GAREM1: variants seen among roughly 807,000 people sequenced by gnomAD.
GAREM1 encodes GRB2 associated regulator of MAPK1 subtype 1, also known as GRB2-associated and regulator of MAPK protein 1.
GAREM1 carries 26 observed loss-of-function variants against 71.3 expected under a neutral mutation model. The ratio of observed to expected loss-of-function variants is 0.36; its 90% CI spans 0.27 to 0.51. GAREM1 has a LOEUF of 0.51. GAREM1 is among the 20% of genes least tolerant of loss of function. The pLI is 0.95. For synonymous variants in GAREM1, 440 were observed against 433.2 expected (o/e 1.02, Z -0.20); for missense variants, 1,026 against 1,103.1 (o/e 0.93, Z 0.99).
rs1555648700 is a variant in GAREM1 at position 32,457,224 on chromosome 18, A to ATGTGTGT, written c.121+13083_121+13084insACACACA. 5.0e-3 allele frequency among the ~76,000 whole-genome samples: 539 copies of ATGTGTGT among 107,394 alleles called. 4 individuals are homozygous for ATGTGTGT. The highest frequency in any genetic ancestry group is 0.013 in the Middle Eastern group (2 of 152). The allele number at this position is 107,394 out of a possible 152,430, so 70.5% of individuals were successfully genotyped here. On this transcript the variant is annotated intron_variant, in intron 1 of 5. Coordinates refer to ENST00000269209, the MANE Select transcript of GAREM1 (RefSeq NM_001242409.2). ...TAGGGGGGGAGAGAGAGAGAGAGAG[A>ATGTGTGT]GAGTGTGTGTGTGTGTGTGTGTGTG... is the stretch of plus-strand genomic sequence containing the variant.
At chr18:32,433,571 A>AT (rs1022150267) in intron 1 of GAREM1, among the ~76,000 whole-genome samples, 14 of 152,054 alleles carry the variant, frequency 9.2e-5, no homozygotes, top group Non-Finnish European at 1.6e-4. Flanking sequence ...TTTAAAATCT[A>AT]TTTTTTAAGT....
At chr18:32,334,652 C>A (rs1424381380) in intron 2 of GAREM1, among the ~76,000 whole-genome samples, 1 of 152,226 alleles carries the variant, frequency 6.6e-6, no homozygotes, top group Non-Finnish European at 1.5e-5. Context: ...ACGGCATAAC[C>A]TATTCCCTGT....
chr18:32,451,131 A>ACAGAGTGAGAGCTTGT (rs1295438032), intron 1 of GAREM1, among the ~76,000 whole-genome samples: 6 of 152,124 alleles, frequency 3.9e-5, no homozygotes, highest in African/African-American at 1.4e-4. Flanking sequence ...GAGCTGGATG[A>ACAGAGTGAGAGCTTGT]CAGAGTGAGA....
chr18:32,445,229 A>G (rs1003184242), intron 1 of GAREM1, among the ~76,000 whole-genome samples: 4 of 152,146 alleles, frequency 2.6e-5, no homozygotes, highest in African/African-American at 9.6e-5. Flanking sequence ...ATATAAACTA[A>G]TGAATGCAGG....
At chr18:32,458,178 C>T (rs959867097) in intron 1 of GAREM1, among the ~76,000 whole-genome samples, 8 of 151,954 alleles carry the variant, frequency 5.3e-5, no homozygotes, top group South Asian at 2.1e-4. Context: ...TTTTTACAAA[C>T]GTGTCCATTT....
intron 2 of GAREM1, among the ~76,000 whole-genome samples, chr18:32,325,931 T>C (rs747160051): frequency 1.3e-5 from 2 of 152,204 alleles, no homozygotes; most frequent in Non-Finnish European, 2.9e-5. Flanking sequence ...TGAGCATGTA[T>C]GTCAGAGAGA....
intron 2 of GAREM1, among the ~76,000 whole-genome samples, chr18:32,377,952 G>A (rs1028659759): frequency 6.6e-6 from 1 of 151,820 alleles, no homozygotes; most frequent in Non-Finnish European, 1.5e-5. Context: ...TTCACTTACT[G>A]GATGAGGAAA....
chr18:32,288,224 T>C, intron 3 of GAREM1, 21 bp from the exon 4 acceptor site: 1 of 1,545,042 alleles, frequency 6.5e-7, no homozygotes, highest in South Asian at 1.2e-5. Context: ...ATAAATCACA[T>C]TTTACGTTCA....
At chr18:32,324,627 C>T (rs917481570) in intron 2 of GAREM1, among the ~76,000 whole-genome samples, 2 of 152,216 alleles carry the variant, frequency 1.3e-5, no homozygotes, top group Admixed American at 1.3e-4. Context: ...AATTCTAACA[C>T]CCACGCCAGC....
At chr18:32,356,351 A>C (rs1286541740) in intron 2 of GAREM1, among the ~76,000 whole-genome samples, 1 of 152,184 alleles carries the variant, frequency 6.6e-6, no homozygotes, top group Non-Finnish European at 1.5e-5. Flanking sequence ...AAGGAGTGAA[A>C]TTATTCACAT....
chr18:32,309,615 CAAAAAAAAAAAAAA>C (rs11370938), intron 3 of GAREM1, among the ~76,000 whole-genome samples: 6 of 13,864 alleles, frequency 4.3e-4, no homozygotes, highest in East Asian at 3.4e-3. Flanking sequence ...GACTCAGTCT[CAAAAAAAAAAAAAA>C]AAAAAAAAAA....
intron 3 of GAREM1, among the ~76,000 whole-genome samples, chr18:32,291,255 T>C (rs934746697): frequency 6.6e-6 from 1 of 150,424 alleles, no homozygotes; most frequent in African/African-American, 2.4e-5. Context: ...TACAGTATAC[T>C]TTTTTTTTGT....
intron 1 of GAREM1, among the ~76,000 whole-genome samples, chr18:32,402,971 A>T (rs1411802410): frequency 2.0e-5 from 3 of 152,050 alleles, no homozygotes; most frequent in African/African-American, 7.2e-5. Flanking sequence ...AGGTTGAAGT[A>T]CAGTGGTGTG....
chr18:32,430,351 T>C (rs1457536585), intron 1 of GAREM1, among the ~76,000 whole-genome samples: 1 of 152,216 alleles, frequency 6.6e-6, no homozygotes, highest in Non-Finnish European at 1.5e-5. Flanking sequence ...TCTGACTTCA[T>C]GCTGTAATAC....
intron 1 of GAREM1, among the ~76,000 whole-genome samples, chr18:32,407,758 G>A (rs187038547): frequency 2.0e-5 from 3 of 152,208 alleles, no homozygotes; most frequent in African/African-American, 7.2e-5. Flanking sequence ...TTGAGGCCAA[G>A]AAATAGCAAC....
At chr18:32,412,517 T>A in intron 1 of GAREM1, 1 of 1,597,358 alleles carries the variant, frequency 6.3e-7, no homozygotes, top group Non-Finnish European at 8.5e-7. Flanking sequence ...CACTGAAGTT[T>A]CCTCCATGAC....
intron 2 of GAREM1, among the ~76,000 whole-genome samples, chr18:32,360,364 G>A (rs1468873058): frequency 6.6e-6 from 1 of 151,900 alleles, no homozygotes; most frequent in African/African-American, 2.4e-5. Context: ...TCATATCATG[G>A]ACATTCCTCA....
At chr18:32,420,312 T>C (rs2048507582) in intron 1 of GAREM1, among the ~76,000 whole-genome samples, 1 of 152,068 alleles carries the variant, frequency 6.6e-6, no homozygotes, top group Non-Finnish European at 1.5e-5. Context: ...GGAAGTCTTT[T>C]TGTTTTTTTG....
chr18:32,324,995 C>G (rs886517699), intron 2 of GAREM1, among the ~76,000 whole-genome samples: 1 of 152,176 alleles, frequency 6.6e-6, no homozygotes, highest in African/African-American at 2.4e-5. Context: ...CTGTGTAGCC[C>G]AGGCTGGAGT....
Sources: allele counts gnomAD v4.1 joint callset (sites outside exome capture counted in the v4.1 genomes callset), GRCh38; gene constraint gnomAD v4.1.1; transcripts MANE v1.5; gene names NCBI Gene and HGNC (gene_info 2026-07-23, HGNC 2026-07-21).